UGT1A9: variants seen among roughly 807,000 people sequenced by gnomAD.
UGT1A9 encodes the protein UDP glucuronosyltransferase family 1 member A9.
In UGT1A9, 35 loss-of-function variants were observed where a neutral mutation model predicts 45.0. The ratio of observed to expected loss-of-function variants is 0.78; its 90% CI spans 0.59 to 1.03. The LOEUF (loss-of-function observed/expected upper bound fraction) is 1.03, where lower values mean the gene tolerates loss of function less well. UGT1A9 is among the 50% of genes least tolerant of loss of function. UGT1A9 has a pLI of 0.00. For synonymous variants in UGT1A9, 278 were observed against 250.6 expected, an observed-to-expected ratio of 1.11 and a Z score of -1.03; for missense variants, 687 against 666.6, an observed-to-expected ratio of 1.03 and a Z score of -0.34.
At chr2:233,760,104 A>T in intron 1 of UGT1A9, 1 of 1,171,464 alleles carries the variant, frequency 8.5e-7, no homozygotes, top group Non-Finnish European at 1.2e-6. Flanking sequence ...GTTGCCTATT[A>T]AGAAACCTAA....
intron 1 of UGT1A9, chr2:233,738,809 G>T (rs149365680): frequency 6.6e-6 from 1 of 152,200 alleles, no homozygotes; most frequent in Non-Finnish European, 1.5e-5. Context: ...ACTAGCTAAA[G>T]AAATTTGAAT....
chr2:233,747,893 T>G (rs1693806794), intron 1 of UGT1A9: 1 of 1,613,576 alleles, frequency 6.2e-7, no homozygotes. Flanking sequence ...GCCATGCTCT[T>G]TCTGCTCCTT....
At chr2:233,696,505 A>C (rs2075346896) in intron 1 of UGT1A9, among the ~76,000 whole-genome samples, 1 of 152,168 alleles carries the variant, frequency 6.6e-6, no homozygotes, top group South Asian at 2.1e-4. Context: ...TTTGCTTGTC[A>C]GTTCTAACAG....
chr2:233,752,978 A>G (rs961719654), intron 1 of UGT1A9, among the ~76,000 whole-genome samples: 31 of 152,180 alleles, frequency 2.0e-4, no homozygotes, highest in Middle Eastern at 3.2e-3. Flanking sequence ...AATTGTGTAG[A>G]TACAAACCCA....
At chr2:233,700,698 TTGAA>T (rs570833581) in intron 1 of UGT1A9, among the ~76,000 whole-genome samples, 4 of 152,222 alleles carry the variant, frequency 2.6e-5, no homozygotes, top group South Asian at 4.2e-4. Context: ...AAACTACACT[TTGAA>T]TGTTTTTTTC....
intron 1 of UGT1A9, chr2:233,691,800 T>G (rs1028258003): frequency 9.0e-5 from 20 of 221,568 alleles, no homozygotes; most frequent in Admixed American, 2.6e-4. Context: ...CTTATACTTC[T>G]CAAATCTTAA....
intron 4 of UGT1A9, chr2:233,771,269 T>A (rs1318778151): frequency 6.6e-6 from 1 of 152,200 alleles, no homozygotes; most frequent in African/African-American, 2.4e-5. Flanking sequence ...CCTTTTTTTT[T>A]CTTTCTTCTC....
At position 233,672,810 on chromosome 2, in the gene UGT1A9, C is replaced by T. The variant is rs746379415; in HGVS notation, c.855+21C>T. On this transcript the variant is annotated intron_variant, in intron 1 of 4. Coordinates refer to ENST00000354728, the MANE Select transcript of UGT1A9 (RefSeq NM_021027.3). Reference sequence around the variant, plus strand: ...CTATGGTAAGTTATCTCTCCTTTAGCACCTTAAGAATACTTCACCTTTGGA... The same window carrying T: ...CTATGGTAAGTTATCTCTCCTTTAGTACCTTAAGAATACTTCACCTTTGGA... 2.5e-6 allele frequency: 4 copies of T among 1,605,850 alleles called. No individual in the cohort carries two copies. The African/African-American group carries it at 4.0e-5, about 16-fold the overall frequency.
intron 1 of UGT1A9, chr2:233,756,069 T>C (rs991797292): frequency 4.6e-5 from 7 of 152,198 alleles, no homozygotes; most frequent in African/African-American, 7.2e-5. Context: ...TGTGGGAGAA[T>C]GACAATGAGA....
rs764431739 is a variant in UGT1A9, at chr2:233,672,505, C to T, written c.571C>T (p.Pro191Ser). Reference sequence around the variant, plus strand: ...GTGCCCTGCTCCTCTTTCCTATGTCCCCAGAATTCTCTTAGGGTTCTCAGA... The same window carrying T: ...GTGCCCTGCTCCTCTTTCCTATGTCTCCAGAATTCTCTTAGGGTTCTCAGA... ...AQCPAPLSYV[P>S]RILLGFSDAM... Residue 191 changes from proline to serine, a missense_variant, in exon 1 of 5, where the codon CCC becomes TCC. Physicochemically the swap from Pro to Ser is moderately conservative, Grantham distance 74. Coordinates refer to ENST00000354728, the MANE Select transcript of UGT1A9 (RefSeq NM_021027.3). 3.1e-6 allele frequency: 5 copies of T among 1,613,878 alleles called. No individual in the cohort carries two copies. Among genetic ancestry groups the T allele is most frequent in the Non-Finnish European group, 4.2e-6 (5 of 1,179,840 alleles).
intron 1 of UGT1A9, among the ~76,000 whole-genome samples, chr2:233,721,034 G>C (rs539792830): frequency 4.0e-4 from 61 of 152,224 alleles, no homozygotes; most frequent in Non-Finnish European, 6.9e-4. Flanking sequence ...TCTTGTGAGA[G>C]AATTGAGCCC....
chr2:233,730,912 A>G (rs941087892), intron 1 of UGT1A9, among the ~76,000 whole-genome samples: 20 of 152,310 alleles, frequency 1.3e-4, no homozygotes, highest in African/African-American at 1.9e-4. Context: ...CAAAAATTTC[A>G]GAGGCAGCTT....
At chr2:233,674,442 G>A (rs1309650448) in intron 1 of UGT1A9, among the ~76,000 whole-genome samples, 2 of 152,062 alleles carry the variant, frequency 1.3e-5, no homozygotes, top group South Asian at 2.1e-4. Context: ...CTTATGTGTT[G>A]CCTGCACCCC....
In UGT1A9 at chr2:233,682,719, A is replaced by G. The variant is rs149070815; in HGVS notation, c.855+9930A>G. On this transcript the variant is annotated intron_variant, in intron 1 of 4. Transcript: ENST00000354728. ...TTGCGAACTGACTTTGTTTTGGAGT[A>G]TCCCAAACCCGTGATGCCCAATATG... 90 of 1,613,892 alleles carry G rather than the reference A, an allele frequency of 5.6e-5. No individual in the cohort carries two copies. The highest frequency in any genetic ancestry group is 5.0e-4 in the Middle Eastern group (3 of 6,054).
intron 1 of UGT1A9, among the ~76,000 whole-genome samples, chr2:233,680,750 C>T (rs1287929562): frequency 6.6e-6 from 1 of 152,104 alleles, no homozygotes; most frequent in Non-Finnish European, 1.5e-5. Flanking sequence ...GGAAACAATA[C>T]ATAGATTCCT....
chr2:233,712,975 C>T (rs558021110), intron 1 of UGT1A9: 154 of 1,613,050 alleles, frequency 9.5e-5, no homozygotes, highest in Middle Eastern at 7.8e-4. Context: ...AGTCAGCTGT[C>T]GGTGGCTTCT....
At chr2:233,695,403 C>T (rs567357181) in intron 1 of UGT1A9, among the ~76,000 whole-genome samples, 6 of 150,700 alleles carry the variant, frequency 4.0e-5, no homozygotes, top group Admixed American at 6.6e-5. Flanking sequence ...GGATTACAGG[C>T]GTGAGCTACC....
chr2:233,714,076 G>A (rs1264024258), intron 1 of UGT1A9, among the ~76,000 whole-genome samples: 2 of 152,134 alleles, frequency 1.3e-5, no homozygotes, highest in African/African-American at 2.4e-5. Flanking sequence ...AGGCAGGGAC[G>A]AGGATCTGTC....
At chr2:233,755,452 C>A in intron 1 of UGT1A9, 1 of 306,372 alleles carries the variant, frequency 3.3e-6, no homozygotes, top group South Asian at 3.0e-5. Flanking sequence ...GCTCCTGGGA[C>A]TGGCCCTGCT....
Sources: gnomAD v4.1 joint callset for allele counts (sites outside exome capture counted in the v4.1 genomes callset) on GRCh38, gnomAD v4.1.1 for gene constraint, MANE v1.5 for transcripts, NCBI Gene and HGNC (gene_info 2026-07-23, HGNC 2026-07-21) for gene names.